Variants in DENND5A observed in about 807,000 individuals in gnomAD.
DENND5A encodes the protein DENN domain-containing protein 5A.
In DENND5A, 64 loss-of-function variants were observed where a neutral mutation model predicts 140.3. The observed-to-expected ratio is 0.46, with a 90% CI of 0.37 to 0.56. DENND5A has a LOEUF of 0.56. Among genes scored for constraint, DENND5A ranks in the 20% least tolerant of loss-of-function variants. The pLI is 0.00. For missense variants in DENND5A, 1,292 were observed against 1,593.8 expected (o/e 0.81, Z 3.22); for synonymous variants, 605 against 607.7 (o/e 1.00, Z 0.07).
chr11:9,250,332 T>C (rs2136288794), intron 1 of DENND5A, among the ~76,000 whole-genome samples: 1 of 151,914 alleles, frequency 6.6e-6, no homozygotes, highest in African/African-American at 2.4e-5. Context: ...AGAAAAACAT[T>C]TCCAGAACTG....
chr11:9,224,563 C>T (rs1323553160), intron 1 of DENND5A, among the ~76,000 whole-genome samples: 2 of 152,020 alleles, frequency 1.3e-5, no homozygotes, highest in East Asian at 1.9e-4. Context: ...CAAGTGAGTG[C>T]TATGAAAATC....
At chr11:9,207,304 T>C (rs987877167) in intron 2 of DENND5A, 43 of 507,098 alleles carry the variant, frequency 8.5e-5, no homozygotes, top group South Asian at 6.4e-4. Flanking sequence ...TCAGAATTAC[T>C]TGAAATTTCT....
chr11:9,190,130 T>A (rs1849066369), intron 5 of DENND5A, among the ~76,000 whole-genome samples: 1 of 152,204 alleles, frequency 6.6e-6, no homozygotes, highest in African/African-American at 2.4e-5. Context: ...CCTCATTGTA[T>A]CTAGGAAGTA....
At chr11:9,149,204 A>G (rs548653190) in intron 15 of DENND5A, among the ~76,000 whole-genome samples, 1 of 152,344 alleles carries the variant, frequency 6.6e-6, no homozygotes, top group East Asian at 1.9e-4. Context: ...CCTCCACCTT[A>G]TCCCATCTCC....
intron 1 of DENND5A, among the ~76,000 whole-genome samples, chr11:9,244,536 AT>A (rs962392172): frequency 1.3e-5 from 2 of 151,824 alleles, no homozygotes; most frequent in African/African-American, 4.8e-5. Flanking sequence ...CGCCCAGCTA[AT>A]TTTGTATTTT....
intron 3 of DENND5A, among the ~76,000 whole-genome samples, chr11:9,204,628 C>T (rs1849635469): frequency 6.6e-6 from 1 of 152,118 alleles, no homozygotes; most frequent in Non-Finnish European, 1.5e-5. Flanking sequence ...TTTGGGAGGC[C>T]AAGGCAGGTG....
chr11:9,252,341 A>G (rs1851764526), intron 1 of DENND5A, among the ~76,000 whole-genome samples: 1 of 150,010 alleles, frequency 6.7e-6, no homozygotes, highest in African/African-American at 2.5e-5. Context: ...TCTGGCCGTA[A>G]TAGCCTGTGT....
intron 5 of DENND5A, among the ~76,000 whole-genome samples, chr11:9,191,923 C>G (rs1849139570): frequency 6.6e-6 from 1 of 152,174 alleles, no homozygotes; most frequent in Non-Finnish European, 1.5e-5. Context: ...TCTTCTTTCT[C>G]CAGTCGACTC....
At chr11:9,161,707 A>G (rs1429412225) in intron 11 of DENND5A, among the ~76,000 whole-genome samples, 1 of 152,218 alleles carries the variant, frequency 6.6e-6, no homozygotes, top group Non-Finnish European at 1.5e-5. Flanking sequence ...TATGTCAGGC[A>G]TTGTACTTAG....
intron 14 of DENND5A, 57 bp downstream of exon 14, chr11:9,150,623 T>A: frequency 7.7e-7 from 1 of 1,305,584 alleles, no homozygotes. Flanking sequence ...AGTGGACACC[T>A]AAGCAGCAAC....
chr11:9,264,876 C>T (rs1852374024), intron 1 of DENND5A, 85 bp downstream of exon 1: 1 of 1,261,146 alleles, frequency 7.9e-7, no homozygotes, highest in African/African-American at 1.6e-5. Flanking sequence ...GCTCCCGGGA[C>T]AAAGCGGGGC....
At chr11:9,214,166 CT>C (rs1045613002) in intron 1 of DENND5A, among the ~76,000 whole-genome samples, 6 of 152,186 alleles carry the variant, frequency 3.9e-5, no homozygotes, top group African/African-American at 1.4e-4. Flanking sequence ...GTGAAATAGA[CT>C]GCCCAATAGC....
Position 9,264,945 on chromosome 11 carries a change from C to A in DENND5A, c.109+16G>T, listed in dbSNP as rs1244241017. ...AGCGGGCGCGGGAAAGCGCCCCGGG[C>A]TCGGCGCGCACTCACCCGACAGCTC... is the stretch of plus-strand genomic sequence containing the variant. On this transcript the variant is annotated intron_variant, in intron 1 of 22. Coordinates refer to ENST00000328194, the MANE Select transcript of DENND5A (RefSeq NM_015213.4). 6.5e-7 allele frequency: 1 copy of A among 1,544,604 alleles called. No homozygotes were observed. Among genetic ancestry groups the A allele is most frequent in the East Asian group, 2.6e-5 (1 of 38,642 alleles).
chr11:9,178,063 T>C, intron 8 of DENND5A, 69 bp downstream of exon 8: 1 of 1,072,530 alleles, frequency 9.3e-7, no homozygotes. Context: ...GGCTGGCATA[T>C]TTAGGAAAAG....
At chr11:9,169,206 C>A (rs1489038837) in intron 10 of DENND5A, among the ~76,000 whole-genome samples, 1 of 152,096 alleles carries the variant, frequency 6.6e-6, no homozygotes, top group Non-Finnish European at 1.5e-5. Context: ...CAGCACTTTG[C>A]GGGGATGAGG....
intron 8 of DENND5A, among the ~76,000 whole-genome samples, chr11:9,173,935 C>A (rs771232617): frequency 3.4e-4 from 52 of 151,580 alleles, no homozygotes; most frequent in Non-Finnish European, 6.3e-4. Flanking sequence ...CCCGTCTCTA[C>A]TAAAAATACA....
chr11:9,166,933 ACT>A (rs1848210886), intron 10 of DENND5A, among the ~76,000 whole-genome samples: 1 of 152,202 alleles, frequency 6.6e-6, no homozygotes, highest in Non-Finnish European at 1.5e-5. Context: ...TCTGAGTAAC[ACT>A]GAGAAAATAA....
chr11:9,174,762 C>A (rs990550993), intron 8 of DENND5A, among the ~76,000 whole-genome samples: 7 of 147,808 alleles, frequency 4.7e-5, no homozygotes, highest in Admixed American at 2.8e-4. Flanking sequence ...AAGCTAAAAA[C>A]CATATAATTA....
intron 1 of DENND5A, among the ~76,000 whole-genome samples, chr11:9,233,851 C>G (rs2136257394): frequency 6.6e-6 from 1 of 152,144 alleles, no homozygotes; most frequent in East Asian, 1.9e-4. Flanking sequence ...TTTAAGCCAC[C>G]CAGTTTGTGG....
Sources: gnomAD v4.1 joint callset for allele counts (sites outside exome capture counted in the v4.1 genomes callset) on GRCh38, gnomAD v4.1.1 for gene constraint, MANE v1.5 for transcripts, NCBI Gene and HGNC (gene_info 2026-07-23, HGNC 2026-07-21) for gene names.